Variants in ELF1 observed in about 807,000 individuals in gnomAD.
The protein encoded by ELF1 is ETS-related transcription factor Elf-1.
A neutral mutation model predicts 59.9 loss-of-function variants in ELF1; 24 were observed. The ratio of observed to expected loss-of-function variants is 0.40; its 90% CI spans 0.29 to 0.56. ELF1 has a LOEUF of 0.56. Ranked by LOEUF, ELF1 falls within the 20% of genes least tolerant of loss-of-function variation. ELF1 has a pLI of 0.44. For missense variants in ELF1, 627 were observed against 742.2 expected (o/e 0.84, Z 1.80); for synonymous variants, 248 against 266.2 (o/e 0.93, Z 0.67).
chr13:41,005,849 T>C (rs977843700), intron 1 of ELF1, among the ~76,000 whole-genome samples: 1 of 141,564 alleles, frequency 7.1e-6, no homozygotes, highest in Non-Finnish European at 1.6e-5. Context: ...ATTCAATTCA[T>C]TACTCATATG....
At chr13:40,936,624 G>A (rs986827302) in intron 8 of ELF1, among the ~76,000 whole-genome samples, 5 of 151,850 alleles carry the variant, frequency 3.3e-5, no homozygotes, top group African/African-American at 4.8e-5. Flanking sequence ...AGTCGGGTGT[G>A]GTGGCGGGCG....
intron 1 of ELF1, among the ~76,000 whole-genome samples, chr13:41,024,835 C>T (rs888407819): frequency 3.3e-5 from 5 of 152,132 alleles, no homozygotes; most frequent in African/African-American, 4.8e-5. Context: ...GAAACTTAAG[C>T]TCCTCCTTTG....
chr13:41,002,299 A>G (rs538500486), intron 1 of ELF1, among the ~76,000 whole-genome samples: 2 of 152,202 alleles, frequency 1.3e-5, no homozygotes, highest in Non-Finnish European at 2.9e-5. Context: ...AGAAGAAATA[A>G]TTCTTCCTAT....
At chr13:40,940,396 A>C (rs79199103) in intron 8 of ELF1, among the ~76,000 whole-genome samples, 9 of 36,086 alleles carry the variant, frequency 2.5e-4, no homozygotes, top group African/African-American at 3.8e-4. Flanking sequence ...GAAAAAAAAA[A>C]AAAAAAAAAA....
At chr13:41,020,439 G>T (rs955751242), upstream of ELF1, among the ~76,000 whole-genome samples, 3 of 152,104 alleles carry the variant, frequency 2.0e-5, no homozygotes, top group Non-Finnish European at 4.4e-5. Flanking sequence ...TAATTAGTTG[G>T]GAGTTTATTC....
At chr13:41,012,213 C>T (rs1014961361) in intron 1 of ELF1, among the ~76,000 whole-genome samples, 2 of 149,462 alleles carry the variant, frequency 1.3e-5, no homozygotes, top group South Asian at 2.1e-4. Context: ...CTTCGGAGGC[C>T]GAGGCAGCAG....
Position 40,933,022 on chromosome 13 carries a change from GACTTA to G in ELF1, c.*398_*402del, listed in dbSNP as rs1869507611. On this transcript the variant is annotated 3_prime_UTR_variant, in exon 9 of 9. Coordinates refer to ENST00000239882, the MANE Select transcript of ELF1 (RefSeq NM_172373.4). ...GGTTTTTTGCATTTGAAAGAGTCAAGACTTAACTTACACAAGTGGAATGAAAATAG... is the reference window on the plus strand; with the variant it reads ...GGTTTTTTGCATTTGAAAGAGTCAAGACTTACACAAGTGGAATGAAAATAG... 1 of 172,256 alleles carries G rather than the reference GACTTA, an allele frequency of 5.8e-6. No individual in the cohort carries two copies. Among genetic ancestry groups the G allele is most frequent in the Non-Finnish European group, 1.2e-5 (1 of 81,032 alleles). 10.7% of individuals were successfully genotyped at this position (172,256 alleles called of 1,614,324 possible). A position where few individuals can be genotyped will look rare whatever the true frequency, so the allele number is the denominator to read the frequency against.
chr13:41,011,646 A>G (rs1343776709), intron 1 of ELF1, among the ~76,000 whole-genome samples: 1 of 151,462 alleles, frequency 6.6e-6, no homozygotes, highest in Non-Finnish European at 1.5e-5. Flanking sequence ...GTTTCATCGT[A>G]TTTTGCAGGC....
chr13:40,941,425 C>G, intron 7 of ELF1, 55 bp from the exon 8 acceptor site: 2 of 1,459,628 alleles, frequency 1.4e-6, no homozygotes, highest in Non-Finnish European at 9.2e-7. Flanking sequence ...AAATATTCAA[C>G]AAAATCAAAT....
chr13:40,935,238 T>G (rs533296170), intron 8 of ELF1, among the ~76,000 whole-genome samples: 1 of 152,348 alleles, frequency 6.6e-6, no homozygotes, highest in South Asian at 2.1e-4. Context: ...CAAATGGTGT[T>G]GAAAAATCTC....
chr13:40,999,802 T>A (rs537651468), intron 1 of ELF1, among the ~76,000 whole-genome samples: 1 of 152,214 alleles, frequency 6.6e-6, no homozygotes, highest in South Asian at 2.1e-4. Context: ...GCTCAGGGTG[T>A]GGCAAAACTC....
intron 1 of ELF1, among the ~76,000 whole-genome samples, chr13:40,991,332 T>C (rs113038418): frequency 1.3e-4 from 20 of 152,264 alleles, no homozygotes; most frequent in African/African-American, 3.1e-4. Flanking sequence ...AGATGTCCCA[T>C]AGGTCTGTAA....
rs1160682157 is a variant in ELF1, at chr13:40,982,176, T to C, written c.-122A>G. On this transcript the variant is annotated 5_prime_UTR_variant, in exon 2 of 9. Transcript: ENST00000239882. ...CAGCTCTGTCTGTGGAGTAATTGTATACCCAAGTTTTCTTTAGGGAAGGTG... is the reference window on the plus strand; with the variant it reads ...CAGCTCTGTCTGTGGAGTAATTGTACACCCAAGTTTTCTTTAGGGAAGGTG... 7 of 1,339,714 alleles carry C rather than the reference T, an allele frequency of 5.2e-6. No homozygotes were observed. The highest frequency in any genetic ancestry group is 1.5e-5 in the African/African-American group (1 of 66,172). The allele number at this position is 1,339,714 out of a possible 1,614,324, so 83.0% of individuals were successfully genotyped here.
chr13:41,054,075 C>A (rs527259827), intron 1 of ELF1, among the ~76,000 whole-genome samples: 1 of 152,064 alleles, frequency 6.6e-6, no homozygotes, highest in African/African-American at 2.4e-5. Flanking sequence ...ATCAGTACAA[C>A]AAAAGGGATA....
At chr13:40,980,540 G>A (rs941301779) in intron 2 of ELF1, among the ~76,000 whole-genome samples, 1 of 152,098 alleles carries the variant, frequency 6.6e-6, no homozygotes, top group African/African-American at 2.4e-5. Flanking sequence ...GTAGACACAT[G>A]TATGAATATG....
At chr13:40,954,039 C>G (rs1871036778) in intron 3 of ELF1, among the ~76,000 whole-genome samples, 1 of 152,206 alleles carries the variant, frequency 6.6e-6, no homozygotes, top group African/African-American at 2.4e-5. Flanking sequence ...TAAACCCCCA[C>G]TAACTACAAG....
At chr13:40,969,205 T>TA (rs1247594134) in intron 2 of ELF1, among the ~76,000 whole-genome samples, 7 of 152,168 alleles carry the variant, frequency 4.6e-5, no homozygotes, top group Non-Finnish European at 8.8e-5. Flanking sequence ...TGGGAAAAAG[T>TA]AAAAAATCGC....
chr13:40,938,338 A>G (rs994098923), intron 8 of ELF1, among the ~76,000 whole-genome samples: 1 of 152,210 alleles, frequency 6.6e-6, no homozygotes, highest in African/African-American at 2.4e-5. Context: ...ACTGTACACC[A>G]ATTAAGAAAA....
chr13:41,046,904 C>T (rs1308459052), intron 1 of ELF1, among the ~76,000 whole-genome samples: 1 of 152,190 alleles, frequency 6.6e-6, no homozygotes, highest in African/African-American at 2.4e-5. Context: ...CCATTCTCCC[C>T]GTCACTTTCA....
Sources: allele counts gnomAD v4.1 joint callset (sites outside exome capture counted in the v4.1 genomes callset), GRCh38; gene constraint gnomAD v4.1.1; transcripts MANE v1.5; gene names NCBI Gene and HGNC (gene_info 2026-07-23, HGNC 2026-07-21).